EHMT1: variants seen among roughly 807,000 people sequenced by gnomAD.
EHMT1 encodes euchromatic histone lysine methyltransferase 1.
A neutral mutation model predicts 147.2 loss-of-function variants in EHMT1; 15 were observed. The observed-to-expected ratio is 0.10, with a 90% CI of 0.07 to 0.16. EHMT1 has a LOEUF of 0.16. Ranked by LOEUF, EHMT1 falls within the 10% of genes least tolerant of loss-of-function variation. The probability of loss-of-function intolerance (pLI) is 1.00; values close to 1 mark genes in which losing one functional copy is unlikely to be tolerated. For missense variants in EHMT1, 1,587 were observed against 1,772.4 expected (o/e 0.90, Z 1.88); for synonymous variants, 795 against 709.6 (o/e 1.12, Z -1.91).
Position 137,828,327 on chromosome 9 carries a change from G to A in EHMT1, c.3541-6022G>A, listed in dbSNP as rs1275923949. ...CCAAAGATGCCCTGGACATGCCCTG[G>A]GGTGGGGGGTGGGGGGCAGCACATG... On this transcript the variant is annotated intron_variant, in intron 25 of 26. Transcript: ENST00000460843. The surrounding 1 kb of genome is among the most constrained non-coding windows in gnomAD (Gnocchi z 5.3). 6.6e-6 allele frequency among the ~76,000 whole-genome samples: 1 copy of A among 151,340 alleles called. No individual in the cohort carries two copies. The highest frequency in any genetic ancestry group is 2.4e-5 in the African/African-American group (1 of 41,242).
chr9:137,654,303 G>T (rs1938192174), intron 1 of EHMT1, among the ~76,000 whole-genome samples: 1 of 152,040 alleles, frequency 6.6e-6, no homozygotes, highest in Non-Finnish European at 1.5e-5. Flanking sequence ...GATGGAGGTT[G>T]CCGTGAGCTG....
chr9:137,727,679 C>T (rs986103466), intron 3 of EHMT1, among the ~76,000 whole-genome samples: 4 of 152,156 alleles, frequency 2.6e-5, no homozygotes, highest in East Asian at 1.9e-4. Context: ...CTGTAGGTGA[C>T]GAGGGAAGCA....
rs1370658673 is a variant in EHMT1, at chr9:137,716,623, C to T, written c.86-3C>T. On this transcript the variant is annotated splice_polypyrimidine_tract_variant and splice_region_variant and intron_variant, in intron 2 of 26. Coordinates refer to ENST00000460843, the MANE Select transcript of EHMT1 (RefSeq NM_024757.5). ...TCAGTGACACTCGTTTCTTTGTTGG[C>T]AGAGACACCTATGGCTGCCGATGAA... 5 of 1,549,838 alleles carry T rather than the reference C, an allele frequency of 3.2e-6. No individual in the cohort carries two copies. The highest frequency in any genetic ancestry group is 1.4e-5 in the African/African-American group (1 of 72,918).
chr9:137,641,428 TG>T, intron 1 of EHMT1: 1 of 531,130 alleles, frequency 1.9e-6, no homozygotes. Context: ...ACTTCAGCAC[TG>T]GTCAAACAAT....
intron 14 of EHMT1, among the ~76,000 whole-genome samples, chr9:137,780,628 GA>G (rs1421828931): frequency 3.5e-5 from 4 of 113,946 alleles, no homozygotes; most frequent in African/African-American, 1.5e-4. Flanking sequence ...TGATGACGCT[GA>G]GATGTGTGGT....
Position 137,782,541 on chromosome 9 carries a change from C to A in EHMT1, c.2382+144C>A, listed in dbSNP as rs890039925. On this transcript the variant is annotated intron_variant, in intron 15 of 26. Transcript: ENST00000460843. This position sits in a 1 kb window ranked among gnomAD's most constrained non-coding sequence, Gnocchi z 5.7. The stretch of plus-strand genomic sequence containing the variant: ...GGGCACAGAGTCAGCTTTTCTGCCC[C>A]CGAGTCCTGCAGGTGGATCAGTGCT... The A allele has an allele frequency of 2.6e-6, 2 of 765,766 alleles. No individual in the cohort carries two copies. The highest frequency in any genetic ancestry group is 4.1e-5 in the Admixed American group (2 of 48,674). 47.4% of individuals were successfully genotyped at this position (765,766 alleles called of 1,614,324 possible). A position where few individuals can be genotyped will look rare whatever the true frequency, so the allele number is the denominator to read the frequency against.
At chr9:137,825,000 G>C (rs1365926231) in intron 25 of EHMT1, among the ~76,000 whole-genome samples, 1 of 152,188 alleles carries the variant, frequency 6.6e-6, no homozygotes, top group Non-Finnish European at 1.5e-5. Flanking sequence ...GGCACTGGGG[G>C]AAGAGGTGTC....
In EHMT1 at chr9:137,835,033, A is replaced by T; in HGVS notation, c.*80A>T. ...AGAGGACGAGGAGGAGAGATTCCGCACGCAACCGAAAGGGTCCTTCGGGGC... is the reference window on the plus strand; with the variant it reads ...AGAGGACGAGGAGGAGAGATTCCGCTCGCAACCGAAAGGGTCCTTCGGGGC... On this transcript the variant is annotated 3_prime_UTR_variant, in exon 27 of 27. Coordinates refer to ENST00000460843, the MANE Select transcript of EHMT1 (RefSeq NM_024757.5). 7.5e-7 allele frequency: 1 copy of T among 1,332,350 alleles called. No individual in the cohort carries two copies. Among genetic ancestry groups the T allele is most frequent in the Non-Finnish European group, 9.6e-7 (1 of 1,043,240 alleles). The allele number at this position is 1,332,350 out of a possible 1,614,324, so 82.5% of individuals were successfully genotyped here.
chr9:137,746,305 C>G (rs1018346656), intron 6 of EHMT1: 2 of 152,108 alleles, frequency 1.3e-5, no homozygotes, highest in African/African-American at 4.8e-5. Flanking sequence ...TTTGTAGAGA[C>G]AGGATCCCAC....
At chr9:137,641,972 T>C (rs1844522176) in intron 1 of EHMT1, among the ~76,000 whole-genome samples, 1 of 152,038 alleles carries the variant, frequency 6.6e-6, no homozygotes, top group Non-Finnish European at 1.5e-5. Context: ...CCTGAGTAGC[T>C]GGGACTACAG....
intron 25 of EHMT1, among the ~76,000 whole-genome samples, chr9:137,820,359 A>G (rs1262664079): frequency 6.6e-6 from 1 of 152,194 alleles, no homozygotes; most frequent in Non-Finnish European, 1.5e-5. Flanking sequence ...TTGCTGTGGA[A>G]CGACTCGCCT....
At chr9:137,825,941 T>C (rs1021891493) in intron 25 of EHMT1, among the ~76,000 whole-genome samples, 3 of 152,242 alleles carry the variant, frequency 2.0e-5, no homozygotes, top group Non-Finnish European at 2.9e-5. Flanking sequence ...AACAAAGTTC[T>C]CTTTTCTGTC....
chr9:137,789,208 A>T (rs1588718329), intron 15 of EHMT1: 1 of 152,050 alleles, frequency 6.6e-6, no homozygotes, highest in Non-Finnish European at 1.5e-5. Context: ...GGGGAAGGAC[A>T]CCCATCGTCC....
At chr9:137,792,143 C>A (rs753642393) in intron 16 of EHMT1, 1 of 467,754 alleles carries the variant, frequency 2.1e-6, no homozygotes, top group South Asian at 1.6e-5. Context: ...GGAGAACTCA[C>A]ACTTGCTGAT....
chr9:137,639,686 T>G lies in EHMT1; in HGVS notation c.21+20637T>G, dbSNP rs60462582. Among the ~76,000 whole-genome samples the G allele has an allele frequency of 2.5e-3, 379 of 152,364 alleles. 3 individuals are homozygous for G. The highest frequency in any genetic ancestry group is 8.8e-3 in the African/African-American group (365 of 41,590). On this transcript the variant is annotated intron_variant, in intron 1 of 26. Transcript: ENST00000460843. ...TCTTTTTCTGGCCTTTTAATCTCTT[T>G]GTATCTTCAATCGAAGGGATGTCTC...
intron 8 of EHMT1, among the ~76,000 whole-genome samples, chr9:137,755,718 C>T (rs993162348): frequency 5.3e-5 from 8 of 152,344 alleles, no homozygotes; most frequent in Non-Finnish European, 7.3e-5. Context: ...CCTCTGTCCA[C>T]GCCAGCACTT....
intron 4 of EHMT1, among the ~76,000 whole-genome samples, chr9:137,740,989 TTG>T: frequency 6.7e-6 from 1 of 149,912 alleles, no homozygotes; most frequent in Non-Finnish European, 1.5e-5. Context: ...TTTTTTTTGT[TTG>T]TTTGAGACAG....
At chr9:137,794,945 G>A (rs1952786743) in intron 16 of EHMT1, 1 of 152,204 alleles carries the variant, frequency 6.6e-6, no homozygotes. Flanking sequence ...AGGGGCACCA[G>A]ATGGCGGATA....
chr9:137,657,264 G>A (rs1430155507), intron 1 of EHMT1, among the ~76,000 whole-genome samples: 1 of 152,138 alleles, frequency 6.6e-6, no homozygotes, highest in African/African-American at 2.4e-5. Flanking sequence ...AGGGGTGATT[G>A]TCTCATAGGC....
Sources: allele counts gnomAD v4.1 joint callset (sites outside exome capture counted in the v4.1 genomes callset), GRCh38; gene constraint gnomAD v4.1.1; non-coding constraint Gnocchi (gnomAD v3.1); transcripts MANE v1.5; gene names NCBI Gene and HGNC (gene_info 2026-07-23, HGNC 2026-07-21).